Variants in CILP observed in about 807,000 individuals in gnomAD.
CILP encodes the protein cartilage intermediate layer protein.
CILP carries 75 observed loss-of-function variants against 82.5 expected under a neutral mutation model. The ratio of observed to expected loss-of-function variants is 0.91; its 90% CI spans 0.75 to 1.10. The LOEUF is 1.10. Among genes scored for constraint, CILP ranks in the 50% least tolerant of loss-of-function variants. CILP has a pLI of 0.00. For synonymous variants in CILP, 530 were observed against 580.3 expected (o/e 0.91, Z 1.25); for missense variants, 1,479 against 1,530.8 (o/e 0.97, Z 0.56).
chr15:65,200,149 A>T (rs1181637148), intron 8 of CILP, among the ~76,000 whole-genome samples: 2 of 152,266 alleles, frequency 1.3e-5, no homozygotes, highest in Non-Finnish European at 2.9e-5. Flanking sequence ...ATGGGAATAC[A>T]CACTATTTTG....
rs1023426035 is a variant in CILP, at chr15:65,195,133, GA to G, written c.*1597del. The G allele has an allele frequency of 1.3e-5, 2 of 152,200 alleles. No individual in the cohort carries two copies. The highest frequency in any genetic ancestry group is 6.5e-5 in the Admixed American group (1 of 15,280). 9.4% of individuals were successfully genotyped at this position (152,200 alleles called of 1,614,324 possible). A position where few individuals can be genotyped will look rare whatever the true frequency, so the allele number is the denominator to read the frequency against. ...TGCTTGCTTTTTCTATGGTTATTGT[GA>G]TGTGCTCAGCTAGAGAAATTTCTAA... On this transcript the variant is annotated 3_prime_UTR_variant, in exon 9 of 9. Coordinates refer to ENST00000261883, the MANE Select transcript of CILP (RefSeq NM_003613.4).
At chr15:65,201,150 C>T (rs11632195) in intron 8 of CILP, among the ~76,000 whole-genome samples, 81,275 of 151,742 alleles carry the variant, frequency 0.54, 22,765 homozygotes, top group Non-Finnish European at 0.63. Context: ...TACAGGCGCA[C>T]GCCACCATGC....
chr15:65,211,366 G>A (rs917414889), intron 1 of CILP, 62 bp downstream of exon 1: 1 of 152,612 alleles, frequency 6.6e-6, no homozygotes, highest in Non-Finnish European at 1.5e-5. Context: ...GGGAGGGCAG[G>A]AGCAGTTGAG....
chr15:65,199,104 G>GT lies in CILP; in HGVS notation c.1187-6dup. 6.4e-7 allele frequency: 1 copy of GT among 1,570,390 alleles called. No individual in the cohort carries two copies. The highest frequency in any genetic ancestry group is 8.6e-7 in the Non-Finnish European group (1 of 1,164,344). The stretch of plus-strand genomic sequence containing the variant: ...TGCAAGGAGTCTCATCAGATGCTGT[G>GT]TAGGGAAATGGTGTGGAAATTAAGA... On this transcript the variant is annotated splice_polypyrimidine_tract_variant and splice_region_variant and intron_variant, in intron 8 of 8. Transcript: ENST00000261883.
rs142030889 is a variant in CILP at position 65,197,757 on chromosome 15, G to T, written c.2529C>A (p.Asn843Lys). Reference sequence around the variant, plus strand: ...GCTGAGGGACGCCAATTGCATTTGGGTTGAATTTAGGAGAAGACTCCACTG... The same window carrying T: ...GCTGAGGGACGCCAATTGCATTTGGTTTGAATTTAGGAGAAGACTCCACTG... Reference protein sequence around the residue: ...LQAVESSPKFNPNAIGVPQPY... With the variant: ...LQAVESSPKFKPNAIGVPQPY... The change falls in exon 9 of 9, where the codon AAC becomes AAA. Residue 843 changes from asparagine (N) to lysine (K), a missense_variant. Physicochemically the swap from Asn to Lys is moderately conservative, Grantham distance 94. Coordinates refer to ENST00000261883, the MANE Select transcript of CILP (RefSeq NM_003613.4). The T allele has an allele frequency of 1.3e-4, 203 of 1,612,382 alleles. No individual in the cohort carries two copies. The highest frequency in any genetic ancestry group is 1.5e-4 in the Non-Finnish European group (181 of 1,180,028).
chr15:65,198,596 CG>C lies in CILP; in HGVS notation c.1689del (p.Val564CysfsTer54). 1 of 1,614,230 alleles carries C rather than the reference CG, an allele frequency of 6.2e-7. No individual in the cohort carries two copies. The highest frequency in any genetic ancestry group is 8.5e-7 in the Non-Finnish European group (1 of 1,180,046). On this transcript the variant is annotated frameshift_variant, in exon 9 of 9. Coordinates refer to ENST00000261883, the MANE Select transcript of CILP (RefSeq NM_003613.4). LOFTEE classifies it high-confidence loss of function. ...CGAAGCATCTTGATTTCATGGAACA[CG>C]GCACTCCCCTTCTTGTTGAAAGGTA... Reference protein sequence around the residue: ...KVLPFNKKGSAVFHEIKMLRR... With the variant: ...KVLPFNKKGSXVFHEIKMLRR...
At chr15:65,203,135 C>T (rs938125446) in intron 7 of CILP, among the ~76,000 whole-genome samples, 11 of 152,168 alleles carry the variant, frequency 7.2e-5, no homozygotes, top group Non-Finnish European at 1.6e-4. Context: ...CTGTGCCCGG[C>T]CAAAGGGTTC....
At chr15:65,207,621 G>T in intron 3 of CILP, 51 bp downstream of exon 3, 1 of 1,522,188 alleles carries the variant, frequency 6.6e-7, no homozygotes, top group Non-Finnish European at 9.1e-7. Flanking sequence ...CACTTCGGAA[G>T]CTCGTTAAAG....
Position 65,204,440 on chromosome 15 carries a change from C to T in CILP, c.747G>A (p.Thr249=), listed in dbSNP as rs150964789. 4.3e-5 allele frequency: 69 copies of T among 1,613,974 alleles called. 1 individual carries two copies. The highest frequency in any genetic ancestry group is 1.6e-4 in the South Asian group (15 of 91,052). Residue 249 remains threonine, a synonymous_variant, in exon 6 of 9, where the codon ACG becomes ACA. Coordinates refer to ENST00000261883, the MANE Select transcript of CILP (RefSeq NM_003613.4). The part of the protein sequence containing the change: ...SGAAIYLLTK[T]PKLLTQTDSD... ...TGTCTGTCTGGGTCAGCAGCTTCGGCGTCTTGGTCAGGAGGTAGATAGCAG... is the reference window on the plus strand; with the variant it reads ...TGTCTGTCTGGGTCAGCAGCTTCGGTGTCTTGGTCAGGAGGTAGATAGCAG...
rs1313196101 is a variant in CILP, at chr15:65,197,765, TAGG to T, written c.2518_2520del (p.Pro840del). The T allele has an allele frequency of 9.9e-6, 16 of 1,612,674 alleles. No homozygotes were observed. The highest frequency in any genetic ancestry group is 1.3e-5 in the Non-Finnish European group (15 of 1,180,026). The stretch of plus-strand genomic sequence containing the variant: ...ACGCCAATTGCATTTGGGTTGAATT[TAGG>T]AGAAGACTCCACTGCTTGCAGTTCC... On this transcript the variant is annotated inframe_deletion, in exon 9 of 9. Transcript: ENST00000261883.
intron 7 of CILP, among the ~76,000 whole-genome samples, chr15:65,202,623 T>A (rs1047518974): frequency 3.9e-5 from 6 of 152,050 alleles, no homozygotes; most frequent in African/African-American, 1.2e-4. Flanking sequence ...ATATGGGGTT[T>A]CACCATGTTG....
chr15:65,211,302 G>A (rs2088583996), intron 1 of CILP, 126 bp downstream of exon 1: 1 of 152,498 alleles, frequency 6.6e-6, no homozygotes, highest in East Asian at 1.9e-4. Flanking sequence ...GGGAGATGAA[G>A]GATCAGGCAG....
In CILP at chr15:65,197,231, G is replaced by A. The variant is rs146484784; in HGVS notation, c.3055C>T (p.Arg1019Cys). The A allele has an allele frequency of 1.2e-5, 20 of 1,613,936 alleles. No homozygotes were observed. Among genetic ancestry groups the A allele is most frequent in the Middle Eastern group, 1.6e-4 (1 of 6,084 alleles). ...ACCTTCACCAGGGTGCGGTCCACAC[G>A]GTCCTGATCATAGAGCATCCCACTG... ...KCSGMLYDQD[R>C]VDRTLVKVIP... Residue 1019 changes from arginine to cysteine, a missense_variant, in exon 9 of 9, where the codon CGT becomes TGT. Arg to Cys is a radical substitution (Grantham distance 180). Coordinates refer to ENST00000261883, the MANE Select transcript of CILP (RefSeq NM_003613.4).
chr15:65,204,081 T>C (rs555915416), intron 6 of CILP, among the ~76,000 whole-genome samples, 187 bp downstream of exon 6: 2 of 152,284 alleles, frequency 1.3e-5, no homozygotes, highest in South Asian at 4.1e-4. Context: ...TGATTTGGTG[T>C]AGAGCGAGTA....
At chr15:65,201,828 C>A in intron 8 of CILP, 44 bp downstream of exon 8, 2 of 1,419,494 alleles carry the variant, frequency 1.4e-6, no homozygotes, top group Non-Finnish European at 1.9e-6. Context: ...GCTCAGCCAA[C>A]CCTGTTGCAG....
chr15:65,203,499 T>G, intron 6 of CILP, 29 bp from the exon 7 acceptor site: 1 of 1,563,556 alleles, frequency 6.4e-7, no homozygotes, highest in Non-Finnish European at 8.8e-7. Context: ...AATAGCATTT[T>G]GGGTTTTTGT....
chr15:65,194,865 C>T lies in CILP; in HGVS notation c.*1866G>A, dbSNP rs2088344415. Reference sequence around the variant, plus strand: ...ACCTTCCCCAGCAACCCACCCCCCCCCGACCCTCCCCCTCCCCCCGTGAGT... The same window carrying T: ...ACCTTCCCCAGCAACCCACCCCCCCTCGACCCTCCCCCTCCCCCCGTGAGT... On this transcript the variant is annotated 3_prime_UTR_variant, in exon 9 of 9. Coordinates refer to ENST00000261883, the MANE Select transcript of CILP (RefSeq NM_003613.4). 6.8e-6 allele frequency: 1 copy of T among 146,462 alleles called. No homozygotes were observed. Among genetic ancestry groups the T allele is most frequent in the South Asian group, 2.3e-4 (1 of 4,428 alleles). The allele number at this position is 146,462 out of a possible 1,614,324, so 9.1% of individuals were successfully genotyped here.
intron 2 of CILP, among the ~76,000 whole-genome samples, chr15:65,209,435 A>G (rs776132772): frequency 3.4e-4 from 51 of 152,086 alleles, no homozygotes; most frequent in Non-Finnish European, 6.0e-4. Context: ...TAACCCTCTT[A>G]TCTTTTTTTC....
At chr15:65,199,178 A>G (rs113268817) in intron 8 of CILP, 79 bp from the exon 9 acceptor site, 11,315 of 991,542 alleles carry the variant, frequency 0.011, 118 homozygotes, top group Middle Eastern at 0.031. Context: ...ACCTCTCTAC[A>G]GTATTCTATG....
Sources: gnomAD v4.1 joint callset for allele counts (sites outside exome capture counted in the v4.1 genomes callset) on GRCh38, gnomAD v4.1.1 for gene constraint, MANE v1.5 for transcripts, NCBI Gene and HGNC (gene_info 2026-07-23, HGNC 2026-07-21) for gene names.